STAB2: variants seen among roughly 807,000 people sequenced by gnomAD.
The protein encoded by STAB2 is stabilin 2.
Under a neutral mutation model 338.1 loss-of-function variants are expected in STAB2, and 288 were observed. The observed-to-expected ratio is 0.85, with a 90% confidence interval of 0.77 to 0.94. STAB2 has a LOEUF of 0.94. STAB2 is among the 40% of genes least tolerant of loss of function. The probability of loss-of-function intolerance (pLI) is 0.00; values close to 1 mark genes in which losing one functional copy is unlikely to be tolerated. For synonymous variants in STAB2, 1,202 were observed against 1,193.3 expected, an observed-to-expected ratio of 1.01 and a Z score of -0.15; for missense variants, 3,141 against 3,210.1, an observed-to-expected ratio of 0.98 and a Z score of 0.52.
At chr12:103,678,464 T>C (rs1876589988) in intron 25 of STAB2, among the ~76,000 whole-genome samples, 1 of 152,204 alleles carries the variant, frequency 6.6e-6, no homozygotes, top group Admixed American at 6.5e-5. Flanking sequence ...TGATGAGATA[T>C]TAAAGCCCAC....
rs1318416797 is a variant in STAB2, at chr12:103,730,740, A to G, written c.5223+484A>G. Among the ~76,000 whole-genome samples, 3 of 152,316 alleles carry G rather than the reference A, an allele frequency of 2.0e-5. No individual in the cohort carries two copies. The East Asian group carries it at 5.8e-4, about 29-fold the overall frequency. On this transcript the variant is annotated intron_variant, in intron 49 of 68. Transcript: ENST00000388887. Reference sequence around the variant, plus strand: ...TACACAGCTGGGAGCAGAGCAGCCCAAGGAGGTCTACAAAGGGTAGACACC... The same window carrying G: ...TACACAGCTGGGAGCAGAGCAGCCCGAGGAGGTCTACAAAGGGTAGACACC...
chr12:103,600,679 C>T (rs1304769790), intron 3 of STAB2, among the ~76,000 whole-genome samples: 1 of 152,218 alleles, frequency 6.6e-6, no homozygotes, highest in Non-Finnish European at 1.5e-5. Flanking sequence ...GGTCACAAGC[C>T]ACTAGGCAAG....
At chr12:103,710,419 A>T (rs921318694) in intron 39 of STAB2, among the ~76,000 whole-genome samples, 1 of 152,222 alleles carries the variant, frequency 6.6e-6, no homozygotes, top group African/African-American at 2.4e-5. Flanking sequence ...AACAAAGAAG[A>T]CAACTCCTTT....
chr12:103,625,760 G>T (rs1450777018), intron 5 of STAB2, among the ~76,000 whole-genome samples: 1 of 152,134 alleles, frequency 6.6e-6, no homozygotes, highest in African/African-American at 2.4e-5. Flanking sequence ...GTCTATCATT[G>T]TTGGACATTT....
rs763872877 is a variant in STAB2 at position 103,638,096 on chromosome 12, T to C, written c.790T>C (p.Cys264Arg). Residue 264 changes from cysteine to arginine, a missense_variant, in exon 8 of 69, where the codon TGC becomes CGC. Cys to Arg is a radical substitution (Grantham distance 180, BLOSUM62 -3). Coordinates refer to ENST00000388887, the MANE Select transcript of STAB2 (RefSeq NM_017564.10). ...YLGPNRHSCT[C>R]QEGYRGDGQV... ...GGGACCAAATCGGCACAGTTGTACA[T>C]GCCAAGAAGGCTACCGTGGGGATGG... 9.3e-6 allele frequency: 15 copies of C among 1,614,108 alleles called. No homozygotes were observed. In the South Asian group the frequency reaches 1.5e-4, roughly 17 times the overall value.
chr12:103,617,779 C>T (rs1957233540), intron 3 of STAB2, among the ~76,000 whole-genome samples: 1 of 152,212 alleles, frequency 6.6e-6, no homozygotes, highest in African/African-American at 2.4e-5. Flanking sequence ...TCCTGGGGTG[C>T]ATACCTGCCT....
chr12:103,646,967 G>A, intron 9 of STAB2, among the ~76,000 whole-genome samples: 1 of 152,270 alleles, frequency 6.6e-6, no homozygotes, highest in East Asian at 1.9e-4. Context: ...AGCATTCCTG[G>A]TGGGACAAAC....
intron 39 of STAB2, among the ~76,000 whole-genome samples, chr12:103,709,433 G>A (rs1879652672): frequency 6.6e-6 from 1 of 152,210 alleles, no homozygotes; most frequent in African/African-American, 2.4e-5. Context: ...GGAGCAATAT[G>A]ATCGTATTTG....
chr12:103,667,159 T>C (rs988286181), intron 19 of STAB2, among the ~76,000 whole-genome samples: 1 of 152,226 alleles, frequency 6.6e-6, no homozygotes, highest in African/African-American at 2.4e-5. Flanking sequence ...TTTAATGTGA[T>C]TCTATTGTGA....
At chr12:103,599,339 G>A (rs2138556347) in intron 3 of STAB2, among the ~76,000 whole-genome samples, 1 of 152,268 alleles carries the variant, frequency 6.6e-6, no homozygotes, top group Non-Finnish European at 1.5e-5. Flanking sequence ...GATGCCCAAA[G>A]CCCACCCCTG....
intron 66 of STAB2, among the ~76,000 whole-genome samples, chr12:103,762,070 C>T (rs1282965769): frequency 2.6e-5 from 4 of 152,168 alleles, no homozygotes; most frequent in Non-Finnish European, 5.9e-5. Flanking sequence ...AATAACTCTC[C>T]CTATCTCTTT....
chr12:103,637,626 G>A (rs59883687), intron 7 of STAB2, among the ~76,000 whole-genome samples: 6,921 of 152,194 alleles, frequency 0.045, 165 homozygotes, highest in Non-Finnish European at 0.062. Flanking sequence ...TTAACCTGCC[G>A]TGTCTCAGTT....
chr12:103,731,095 G>A (rs925893843), intron 49 of STAB2, among the ~76,000 whole-genome samples: 8 of 152,000 alleles, frequency 5.3e-5, no homozygotes, highest in Non-Finnish European at 1.0e-4. Context: ...ACACACACAC[G>A]AAGGGTGAAC....
At chr12:103,623,642 C>T (rs1412397884) in intron 5 of STAB2, among the ~76,000 whole-genome samples, 1 of 152,220 alleles carries the variant, frequency 6.6e-6, no homozygotes, top group African/African-American at 2.4e-5. Context: ...AGGAGCACAA[C>T]ACTGCCAACA....
At chr12:103,755,529 G>C in intron 62 of STAB2, 62 bp downstream of exon 62, 1 of 1,608,534 alleles carries the variant, frequency 6.2e-7, no homozygotes, top group Non-Finnish European at 8.5e-7. Flanking sequence ...TCCTCAGCCT[G>C]GCCAGTCACT....
chr12:103,744,053 G>GCAA (rs1452058605), intron 56 of STAB2, among the ~76,000 whole-genome samples: 6 of 152,164 alleles, frequency 3.9e-5, no homozygotes, highest in Non-Finnish European at 8.8e-5. Context: ...AGAAAATAAT[G>GCAA]CAACAACCCA....
At chr12:103,590,797 G>T in intron 1 of STAB2, 100 bp from the exon 2 acceptor site, 4 of 1,415,392 alleles carry the variant, frequency 2.8e-6, no homozygotes, top group Non-Finnish European at 4.0e-6. Context: ...GTTCCATTGA[G>T]ATGATTGGAG....
rs1174504681 is a variant in STAB2, at chr12:103,728,932, C to T, written c.5019C>T (p.Asn1673=). The T allele has an allele frequency of 2.5e-6, 4 of 1,613,972 alleles. No individual in the cohort carries two copies. Among genetic ancestry groups the T allele is most frequent in the African/African-American group, 2.7e-5 (2 of 75,036 alleles). Residue 1673 remains asparagine (N), a synonymous_variant, in exon 48 of 69, where the codon AAC becomes AAT. Transcript: ENST00000388887. ...CCTGCCACCAGCTGCTTCTGGAAAACCTGAAATTGATCTCAAATGCTACTT... is the reference window on the plus strand; with the variant it reads ...CCTGCCACCAGCTGCTTCTGGAAAATCTGAAATTGATCTCAAATGCTACTT... The part of the protein sequence containing the change: ...VVACHQLLLE[N]LKLISNATSL...
At chr12:103,708,139 C>T (rs1479864427) in intron 38 of STAB2, among the ~76,000 whole-genome samples, 1 of 152,184 alleles carries the variant, frequency 6.6e-6, no homozygotes, top group East Asian at 1.9e-4. Flanking sequence ...AACCCTGGAT[C>T]CTCAGGTAAC....
Sources: allele counts gnomAD v4.1 joint callset (sites outside exome capture counted in the v4.1 genomes callset), GRCh38; gene constraint gnomAD v4.1.1; transcripts MANE v1.5; gene names NCBI Gene and HGNC (gene_info 2026-07-23, HGNC 2026-07-21).